The following MEIS1 variants were observed in gnomAD, a reference collection of about 807,000 sequenced individuals.
MEIS1 encodes the protein homeobox protein Meis1.
A neutral mutation model predicts 50.8 loss-of-function variants in MEIS1; 5 were observed. That is an observed-to-expected ratio of 0.10 (90% confidence interval 0.05 to 0.21). MEIS1 has a LOEUF of 0.21. Among genes scored for constraint, MEIS1 ranks in the 10% least tolerant of loss-of-function variants. MEIS1 has a pLI of 1.00. For synonymous variants in MEIS1, 176 were observed against 179.3 expected (o/e 0.98, Z 0.15); for missense variants, 318 against 517.3 (o/e 0.61, Z 3.74).
In MEIS1 at chr2:66,568,653, C is replaced by T; in HGVS notation, c.1025-14C>T. On this transcript the variant is annotated splice_polypyrimidine_tract_variant and intron_variant, in intron 10 of 12. Transcript: ENST00000272369. ...GAGACTGTTATTAAAAAACCACATT[C>T]TGTACTTTTGTAGTAAGTCAAGGAA... 1 of 1,605,524 alleles carries T rather than the reference C, an allele frequency of 6.2e-7. No homozygotes were observed. The highest frequency in any genetic ancestry group is 8.5e-7 in the Non-Finnish European group (1 of 1,172,182).
intron 9 of MEIS1, among the ~76,000 whole-genome samples, chr2:66,565,508 G>T (rs1327414376): frequency 6.6e-6 from 1 of 152,134 alleles, no homozygotes; most frequent in Non-Finnish European, 1.5e-5. Context: ...TAGTCACTGT[G>T]CCAGAGCACC....
intron 8 of MEIS1, among the ~76,000 whole-genome samples, chr2:66,538,753 A>G (rs1367868655): frequency 6.6e-6 from 1 of 152,206 alleles, no homozygotes; most frequent in Non-Finnish European, 1.5e-5. Context: ...AAACAAAAGT[A>G]ATTGGCGAAA....
At chr2:66,470,278 G>T (rs1315752504) in intron 7 of MEIS1, among the ~76,000 whole-genome samples, 1 of 152,170 alleles carries the variant, frequency 6.6e-6, no homozygotes, top group East Asian at 1.9e-4. Context: ...TTAAAGTGTG[G>T]CCTTTGCATG....
At chr2:66,467,883 G>A (rs1672677439) in intron 7 of MEIS1, among the ~76,000 whole-genome samples, 2 of 152,136 alleles carry the variant, frequency 1.3e-5, no homozygotes, top group African/African-American at 2.4e-5. Flanking sequence ...TCTGTGTTTG[G>A]TTGGGGATTC....
rs74603892 is a variant in MEIS1 at position 66,481,472 on chromosome 2, G to T, written c.742+17252G>T. On this transcript the variant is annotated intron_variant, in intron 7 of 12. Transcript: ENST00000272369. ...GCTTCAGCCAGCTAAAGCTAATCCA[G>T]GTTCCTATTTCAGAGGAGCAAAATG... Among the ~76,000 whole-genome samples, 189 of 152,302 alleles carry T rather than the reference G, an allele frequency of 1.2e-3. 2 individuals carry two copies. Among genetic ancestry groups the T allele is most frequent in the African/African-American group, 4.3e-3 (179 of 41,554 alleles).
At chr2:66,542,531 C>T (rs1674681006) in intron 8 of MEIS1, among the ~76,000 whole-genome samples, 1 of 152,214 alleles carries the variant, frequency 6.6e-6, no homozygotes, top group East Asian at 1.9e-4. Context: ...TACCTATTCC[C>T]ATACCTTTTA....
chr2:66,464,554 G>C lies in MEIS1; in HGVS notation c.742+334G>C, dbSNP rs141485981. On this transcript the variant is annotated intron_variant, in intron 7 of 12. Coordinates refer to ENST00000272369, the MANE Select transcript of MEIS1 (RefSeq NM_002398.3). ...AAAGTATTATTACTACTTGCCCTCAGAGGCTTTTCAAGAGCTCATGAAGAA... is the reference window on the plus strand; with the variant it reads ...AAAGTATTATTACTACTTGCCCTCACAGGCTTTTCAAGAGCTCATGAAGAA... 2.7e-3 allele frequency among the ~76,000 whole-genome samples: 411 copies of C among 152,294 alleles called. 2 individuals are homozygous for C. Among genetic ancestry groups the C allele is most frequent in the African/African-American group, 6.9e-3 (285 of 41,568 alleles).
intron 6 of MEIS1, among the ~76,000 whole-genome samples, chr2:66,444,262 T>G (rs1672074015): frequency 6.7e-6 from 1 of 149,412 alleles, no homozygotes; most frequent in Non-Finnish European, 1.5e-5. Context: ...GAGATCAGCC[T>G]GCCTTTGTTA....
At chr2:66,438,332 T>C (rs1232118432) in intron 2 of MEIS1, among the ~76,000 whole-genome samples, 1 of 152,228 alleles carries the variant, frequency 6.6e-6, no homozygotes, top group Admixed American at 6.5e-5. Context: ...CTTTGTGTTG[T>C]AACGAAACTT....
intron 9 of MEIS1, among the ~76,000 whole-genome samples, chr2:66,556,950 C>A (rs1331695446): frequency 1.3e-5 from 2 of 151,762 alleles, no homozygotes; most frequent in Non-Finnish European, 2.9e-5. Context: ...GGTAGCGGGG[C>A]ACATAAGAAG....
intron 8 of MEIS1, among the ~76,000 whole-genome samples, chr2:66,547,635 T>G (rs1318023180): frequency 6.6e-6 from 1 of 152,184 alleles, no homozygotes; most frequent in African/African-American, 2.4e-5. Flanking sequence ...CTTGTCCTTA[T>G]TTTAATCCTA....
intron 7 of MEIS1, among the ~76,000 whole-genome samples, chr2:66,508,206 T>A (rs1160243760): frequency 1.3e-5 from 2 of 152,000 alleles, no homozygotes; most frequent in Non-Finnish European, 2.9e-5. Flanking sequence ...CTGTGCAGAG[T>A]TCCTCTGCTC....
rs1378760777 is a variant in MEIS1, at chr2:66,452,100, A to G, written c.630+9052A>G. Reference sequence around the variant, plus strand: ...CAATCAGAACAGAAACTTTAGCAGTACAATTAATTAGGCATTTTGGGTTTA... The same window carrying G: ...CAATCAGAACAGAAACTTTAGCAGTGCAATTAATTAGGCATTTTGGGTTTA... On this transcript the variant is annotated intron_variant, in intron 6 of 12. Transcript: ENST00000272369. 2.0e-5 allele frequency among the ~76,000 whole-genome samples: 3 copies of G among 151,964 alleles called. No individual in the cohort carries two copies. The East Asian group carries it at 5.8e-4, about 29-fold the overall frequency.
chr2:66,464,357 A>G (rs1011981417), intron 7 of MEIS1, 137 bp downstream of exon 7: 5 of 720,126 alleles, frequency 6.9e-6, no homozygotes, highest in Admixed American at 4.3e-5. Flanking sequence ...AGCTCATCTT[A>G]TTTTATTCTC....
At chr2:66,442,872 T>G in intron 5 of MEIS1, 30 bp from the exon 6 acceptor site, 1 of 1,564,932 alleles carries the variant, frequency 6.4e-7, no homozygotes, top group Non-Finnish European at 8.6e-7. Flanking sequence ...CTGATTATAT[T>G]CCCATTTTTT....
At chr2:66,562,785 G>GA (rs1015234711) in intron 9 of MEIS1, among the ~76,000 whole-genome samples, 1 of 151,932 alleles carries the variant, frequency 6.6e-6, no homozygotes, top group East Asian at 1.9e-4. Flanking sequence ...ATGATTCTAT[G>GA]AAAAAAAGGA....
At chr2:66,566,961 A>T (rs1675364595) in intron 9 of MEIS1, among the ~76,000 whole-genome samples, 1 of 152,206 alleles carries the variant, frequency 6.6e-6, no homozygotes, top group South Asian at 2.1e-4. Flanking sequence ...CCAGTTCATT[A>T]TCTTAATAGT....
At chr2:66,495,299 A>G (rs1673374746) in intron 7 of MEIS1, among the ~76,000 whole-genome samples, 1 of 151,924 alleles carries the variant, frequency 6.6e-6, no homozygotes, top group African/African-American at 2.4e-5. Flanking sequence ...CCCTGATCAT[A>G]CTTACGTCTT....
chr2:66,470,833 G>T (rs550577614), intron 7 of MEIS1, among the ~76,000 whole-genome samples: 23 of 152,252 alleles, frequency 1.5e-4, no homozygotes, highest in Non-Finnish European at 3.1e-4. Flanking sequence ...CATATCTGTG[G>T]CATATTTTTA....
Sources: gnomAD v4.1 joint callset for allele counts (sites outside exome capture counted in the v4.1 genomes callset) on GRCh38, gnomAD v4.1.1 for gene constraint, MANE v1.5 for transcripts, NCBI Gene and HGNC (gene_info 2026-07-23, HGNC 2026-07-21) for gene names.